The following GLRA1 variants were observed in gnomAD, a reference collection of about 807,000 sequenced individuals.
GLRA1 encodes the protein glycine receptor subunit alpha-1.
In GLRA1, 37 loss-of-function variants were observed where a neutral mutation model predicts 48.3. The observed-to-expected ratio is 0.77, with a 90% confidence interval of 0.59 to 1.01. The LOEUF (loss-of-function observed/expected upper bound fraction) is 1.01, where lower values mean the gene tolerates loss of function less well. Ranked by LOEUF, GLRA1 falls within the 50% of genes least tolerant of loss-of-function variation. GLRA1 has a pLI of 0.00. For missense variants in GLRA1, 427 were observed against 571.0 expected, an observed-to-expected ratio of 0.75 and a Z score of 2.57; for synonymous variants, 196 against 210.7, an observed-to-expected ratio of 0.93 and a Z score of 0.60.
intron 8 of GLRA1, among the ~76,000 whole-genome samples, chr5:151,825,040 A>T (rs1763237973): frequency 6.6e-6 from 1 of 152,230 alleles, no homozygotes; most frequent in Admixed American, 6.5e-5. Flanking sequence ...ATCCTTGGAA[A>T]ATGAATGAAT....
intron 1 of GLRA1, among the ~76,000 whole-genome samples, chr5:151,902,262 C>T (rs1204283788): frequency 6.6e-6 from 1 of 151,960 alleles, no homozygotes; most frequent in African/African-American, 2.4e-5. Context: ...GGTAGGAGGC[C>T]TGCTCAGTCT....
At position 151,886,643 on chromosome 5, in the gene GLRA1, A is replaced by G. The variant is rs566572602; in HGVS notation, c.252+78T>C. Reference sequence around the variant, plus strand: ...AGCTGATTCCCCACTTCCTTGGTGGAGACCAATGCAGAGGATAAATATTTC... The same window carrying G: ...AGCTGATTCCCCACTTCCTTGGTGGGGACCAATGCAGAGGATAAATATTTC... On this transcript the variant is annotated intron_variant, in intron 3 of 8. Coordinates refer to ENST00000274576, the MANE Select transcript of GLRA1 (RefSeq NM_000171.4). 8.8e-5 allele frequency: 95 copies of G among 1,075,008 alleles called. No individual in the cohort carries two copies. The African/African-American group carries it at 1.2e-3, about 14-fold the overall frequency. 66.6% of individuals were successfully genotyped at this position (1,075,008 alleles called of 1,614,324 possible).
At chr5:151,880,432 T>C (rs1400071122) in intron 3 of GLRA1, among the ~76,000 whole-genome samples, 5 of 152,224 alleles carry the variant, frequency 3.3e-5, no homozygotes, top group Non-Finnish European at 7.3e-5. Context: ...AAGGCCAAAC[T>C]TGTGGACTGT....
chr5:151,897,887 G>A (rs138721247), intron 1 of GLRA1, among the ~76,000 whole-genome samples: 4 of 152,246 alleles, frequency 2.6e-5, no homozygotes, highest in Admixed American at 2.6e-4. Flanking sequence ...CAAATAGATG[G>A]ATGTTTATGG....
At chr5:151,883,967 T>G in intron 3 of GLRA1, among the ~76,000 whole-genome samples, 1 of 150,558 alleles carries the variant, frequency 6.6e-6, no homozygotes, top group Admixed American at 6.6e-5. Context: ...GAGGTGGGAG[T>G]GGAGAGGAGA....
chr5:151,897,988 C>T (rs552668155), intron 1 of GLRA1, among the ~76,000 whole-genome samples: 5 of 152,166 alleles, frequency 3.3e-5, no homozygotes, highest in East Asian at 3.9e-4. Flanking sequence ...ACTTAAAGGA[C>T]CTCAGATGTT....
At chr5:151,894,334 C>T (rs992283057) in intron 1 of GLRA1, among the ~76,000 whole-genome samples, 3 of 152,158 alleles carry the variant, frequency 2.0e-5, no homozygotes, top group African/African-American at 7.2e-5. Context: ...CCACCCTGGC[C>T]TCTTCCTTAA....
chr5:151,912,371 T>G (rs946373842), intron 1 of GLRA1, among the ~76,000 whole-genome samples: 43 of 152,066 alleles, frequency 2.8e-4, no homozygotes, highest in African/African-American at 1.0e-3. Flanking sequence ...TTAGAAAGTT[T>G]TCCTTGTCTT....
Position 151,851,463 on chromosome 5 carries a change from C to G in GLRA1, c.839G>C (p.Arg280Pro). ...CACAGTGGTGATGCCTAGGCCCACA[C>G]GAGCAGGTGCAGCATCCATGTTGAT... ...FWINMDAAPARVGLGITTVLT... is the reference protein window; with the variant it reads ...FWINMDAAPAPVGLGITTVLT... Residue 280 changes from arginine to proline, a missense_variant, in exon 7 of 9, where the codon CGT (arginine) becomes CCT (proline). Around this residue, in one of 4 missense-constraint regions of GLRA1, gnomAD observed 271 missense variants for 434.9 expected, o/e 0.62. Coordinates refer to ENST00000274576, the MANE Select transcript of GLRA1 (RefSeq NM_000171.4). 6.2e-7 allele frequency: 1 copy of G among 1,613,922 alleles called. No homozygotes were observed.
chr5:151,905,723 G>T (rs1754458785), intron 1 of GLRA1, among the ~76,000 whole-genome samples: 2 of 152,132 alleles, frequency 1.3e-5, no homozygotes, highest in South Asian at 4.2e-4. Flanking sequence ...TAGGGGCAAG[G>T]GCTGAAGTCA....
chr5:151,831,791 C>T (rs754864564), intron 7 of GLRA1, among the ~76,000 whole-genome samples: 13 of 152,228 alleles, frequency 8.5e-5, no homozygotes, highest in South Asian at 2.1e-4. Flanking sequence ...GCACAGCACT[C>T]GAGCTCTGCT....
intron 3 of GLRA1, among the ~76,000 whole-genome samples, chr5:151,882,901 A>G (rs1480344221): frequency 6.6e-6 from 1 of 152,188 alleles, no homozygotes; most frequent in Non-Finnish European, 1.5e-5. Context: ...AATGACATAT[A>G]GCAGTTTATC....
intron 7 of GLRA1, among the ~76,000 whole-genome samples, chr5:151,835,125 A>G (rs913219686): frequency 6.6e-6 from 1 of 152,074 alleles, no homozygotes; most frequent in African/African-American, 2.4e-5. Flanking sequence ...ACAAACTACC[A>G]TCAGAGAATA....
At chr5:151,907,575 A>T (rs1257411261) in intron 1 of GLRA1, among the ~76,000 whole-genome samples, 1 of 152,240 alleles carries the variant, frequency 6.6e-6, no homozygotes, top group East Asian at 1.9e-4. Context: ...CACCCTATGG[A>T]TCAAATATCA....
intron 7 of GLRA1, chr5:151,849,704 G>C: frequency 3.6e-6 from 1 of 274,760 alleles, no homozygotes; most frequent in Non-Finnish European, 7.0e-6. Flanking sequence ...AGGTGTGTGT[G>C]ACTACGCCCA....
intron 2 of GLRA1, among the ~76,000 whole-genome samples, chr5:151,891,879 T>A (rs1415012739): frequency 6.6e-6 from 1 of 152,050 alleles, no homozygotes; most frequent in Non-Finnish European, 1.5e-5. Flanking sequence ...GAAAGCTCCG[T>A]GAAGCGTATG....
chr5:151,843,779 G>C (rs1018161164), intron 7 of GLRA1, among the ~76,000 whole-genome samples: 1 of 152,188 alleles, frequency 6.6e-6, no homozygotes, highest in Non-Finnish European at 1.5e-5. Flanking sequence ...TCCATTTATA[G>C]GTCAGTTGAT....
intron 1 of GLRA1, among the ~76,000 whole-genome samples, chr5:151,910,164 A>G (rs1426424198): frequency 6.6e-6 from 1 of 152,176 alleles, no homozygotes; most frequent in South Asian, 2.1e-4. Context: ...CTTAGAGAAA[A>G]CAATCAAGAC....
intron 7 of GLRA1, among the ~76,000 whole-genome samples, chr5:151,843,898 G>A (rs372780641): frequency 1.1e-3 from 168 of 152,270 alleles, no homozygotes; most frequent in Non-Finnish European, 2.2e-3. Flanking sequence ...GGCTGGGCAC[G>A]GTGGCTCACA....
Sources: allele counts gnomAD v4.1 joint callset (sites outside exome capture counted in the v4.1 genomes callset), GRCh38; gene constraint gnomAD v4.1.1; regional missense constraint gnomAD v4.1.1; transcripts MANE v1.5; gene names NCBI Gene and HGNC (gene_info 2026-07-23, HGNC 2026-07-21).